The following SPATA31H1 variants were observed in gnomAD, a reference collection of about 807,000 sequenced individuals.
The protein encoded by SPATA31H1 is SPATA31 subfamily H member 1.
At chr2:27,550,188 T>C in the SPATA31H1 span, among the ~76,000 whole-genome samples, 578 of 151,618 alleles carry the variant, frequency 3.8e-3, 3 homozygotes, top group Non-Finnish European at 6.4e-3. Context: ...TAGGACTTCC[T>C]CTACAATGTT....
chr2:27,578,824 G>T, the SPATA31H1 span: 1 of 1,614,128 alleles, frequency 6.2e-7, no homozygotes, highest in Non-Finnish European at 8.5e-7. Flanking sequence ...TCTGAATTAG[G>T]AGGACTTTGG....
chr2:27,570,774 G>A, the SPATA31H1 span: 3 of 398,822 alleles, frequency 7.5e-6, no homozygotes, highest in Non-Finnish European at 1.3e-5. Context: ...TGAGTTGTTA[G>A]TACCAGAGCC....
the SPATA31H1 span, among the ~76,000 whole-genome samples, chr2:27,554,894 G>A: frequency 6.6e-6 from 1 of 151,810 alleles, no homozygotes; most frequent in South Asian, 2.1e-4. Context: ...TTTTTTGTAA[G>A]GACACTAATC....
At chr2:27,582,455 A>G in the SPATA31H1 span, 10 of 1,614,180 alleles carry the variant, frequency 6.2e-6, no homozygotes, top group Non-Finnish European at 8.5e-6. Context: ...TCAAGAATCA[A>G]ACAACTCTCC....
the SPATA31H1 span, chr2:27,567,013 C>A: frequency 1.4e-6 from 1 of 717,526 alleles, no homozygotes; most frequent in Non-Finnish European, 2.6e-6. Context: ...CAAGGCAGAA[C>A]CCTGCCTCTT....
chr2:27,546,096 C>T, the SPATA31H1 span, among the ~76,000 whole-genome samples: 2 of 151,920 alleles, frequency 1.3e-5, no homozygotes, highest in Admixed American at 6.6e-5. Flanking sequence ...GAGTCCTTTG[C>T]CAGATAAAGG....
chr2:27,571,239 C>G, the SPATA31H1 span: 1 of 398,312 alleles, frequency 2.5e-6, no homozygotes, highest in Non-Finnish European at 4.4e-6. Flanking sequence ...GGAGGTAACC[C>G]CGGGCTCAAA....
chr2:27,552,069 C>T, the SPATA31H1 span, among the ~76,000 whole-genome samples: 1 of 151,982 alleles, frequency 6.6e-6, no homozygotes, highest in Non-Finnish European at 1.5e-5. Flanking sequence ...CCGCCTTGGC[C>T]TCCCAAAGTG....
chr2:27,549,040 TCCAG>T, the SPATA31H1 span, among the ~76,000 whole-genome samples: 2 of 125,182 alleles, frequency 1.6e-5, no homozygotes, highest in South Asian at 4.9e-4. Context: ...GCCACTGCAC[TCCAG>T]CCTGAGCAAC....
chr2:27,579,078 A>G, the SPATA31H1 span: 41 of 1,614,100 alleles, frequency 2.5e-5, no homozygotes, highest in East Asian at 8.5e-4. Flanking sequence ...GGAGCTAGAG[A>G]ACTCACTTCA....
chr2:27,579,975 A>G, the SPATA31H1 span: 2 of 1,614,174 alleles, frequency 1.2e-6, no homozygotes, highest in African/African-American at 2.7e-5. Context: ...TTGCCATCAT[A>G]AATTACAGAC....
chr2:27,553,451 G>A, the SPATA31H1 span, among the ~76,000 whole-genome samples: 1 of 152,010 alleles, frequency 6.6e-6, no homozygotes. Context: ...GGGTCACTTG[G>A]TCACACCTTT....
chr2:27,577,409 G>T, the SPATA31H1 span: 1 of 1,614,050 alleles, frequency 6.2e-7, no homozygotes. This position sits in a 1 kb window ranked among gnomAD's most constrained non-coding sequence, Gnocchi z 4.5. Context: ...CTATGGGGTT[G>T]ACCGCTGAGG....
At chr2:27,547,789 A>G in the SPATA31H1 span, among the ~76,000 whole-genome samples, 3 of 151,920 alleles carry the variant, frequency 2.0e-5, no homozygotes, top group African/African-American at 7.3e-5. Context: ...AATTGAAAAT[A>G]TATAGAAGTG....
At chr2:27,561,054 T>G in the SPATA31H1 span, among the ~76,000 whole-genome samples, 1 of 152,100 alleles carries the variant, frequency 6.6e-6, no homozygotes, top group Non-Finnish European at 1.5e-5. Flanking sequence ...ATTAAAAAAT[T>G]TCTGAGGAGC....
the SPATA31H1 span, among the ~76,000 whole-genome samples, chr2:27,546,354 T>A: frequency 6.6e-6 from 1 of 151,954 alleles, no homozygotes; most frequent in Admixed American, 6.5e-5. Flanking sequence ...ATGATCCATC[T>A]CAAATTACTT....
the SPATA31H1 span, chr2:27,580,591 A>G: frequency 6.2e-7 from 1 of 1,614,168 alleles, no homozygotes; most frequent in Middle Eastern, 1.6e-4. Context: ...TTAAAAAGAC[A>G]ACCTAAGAAA....
At chr2:27,551,867 G>A in the SPATA31H1 span, among the ~76,000 whole-genome samples, 1 of 151,894 alleles carries the variant, frequency 6.6e-6, no homozygotes, top group Non-Finnish European at 1.5e-5. Flanking sequence ...TCCCTCTGGA[G>A]TGCAGAGGTG....
chr2:27,551,885 A>G, the SPATA31H1 span, among the ~76,000 whole-genome samples: 56 of 151,938 alleles, frequency 3.7e-4, no homozygotes, highest in South Asian at 0.011. Flanking sequence ...GTGCCATCTC[A>G]GCTCACTGCA....
Sources: allele counts gnomAD v4.1 joint callset (sites outside exome capture counted in the v4.1 genomes callset), GRCh38; gene constraint gnomAD v4.1.1; non-coding constraint Gnocchi (gnomAD v3.1); transcripts MANE v1.5; gene names NCBI Gene and HGNC (gene_info 2026-07-23, HGNC 2026-07-21).